SYNPO2: variants seen among roughly 807,000 people sequenced by gnomAD.
SYNPO2 encodes the protein synaptopodin-2.
SYNPO2 carries 56 observed loss-of-function variants against 85.0 expected under a neutral mutation model. The ratio of observed to expected loss-of-function variants is 0.66; its 90% confidence interval spans 0.53 to 0.82. The LOEUF (loss-of-function observed/expected upper bound fraction) is 0.82. Ranked by LOEUF, SYNPO2 falls within the 40% of genes least tolerant of loss-of-function variation. The pLI is 0.00. For synonymous variants in SYNPO2, 602 were observed against 591.1 expected, an observed-to-expected ratio of 1.02 and a Z score of -0.27; for missense variants, 1,575 against 1,534.2, an observed-to-expected ratio of 1.03 and a Z score of -0.44.
At chr4:118,878,949 C>G (rs866000754) in intron 1 of SYNPO2, among the ~76,000 whole-genome samples, 1 of 152,210 alleles carries the variant, frequency 6.6e-6, no homozygotes, top group Non-Finnish European at 1.5e-5. Context: ...TCCGCACTAC[C>G]TCTAAGAGCT....
At chr4:118,885,629 C>T (rs1361929093), upstream of SYNPO2, among the ~76,000 whole-genome samples, 59 of 152,188 alleles carry the variant, frequency 3.9e-4, no homozygotes, top group Non-Finnish European at 8.8e-5. Flanking sequence ...TGCACCACCA[C>T]GCCCAGCTAA....
chr4:118,967,200 C>G (rs1269824034), intron 1 of SYNPO2, among the ~76,000 whole-genome samples: 1 of 152,174 alleles, frequency 6.6e-6, no homozygotes, highest in Non-Finnish European at 1.5e-5. Flanking sequence ...AGCTCCCACT[C>G]TATACTGCCC....
chr4:118,863,855 C>G (rs1235076150), intron 1 of SYNPO2, among the ~76,000 whole-genome samples: 1 of 152,240 alleles, frequency 6.6e-6, no homozygotes, highest in Non-Finnish European at 1.5e-5. Flanking sequence ...AATCCACCCG[C>G]TTCAGCCTCC....
At chr4:118,989,116 ATG>A (rs1736321698) in intron 1 of SYNPO2, among the ~76,000 whole-genome samples, 1 of 152,202 alleles carries the variant, frequency 6.6e-6, no homozygotes, top group Non-Finnish European at 1.5e-5. Context: ...GCATACTTTA[ATG>A]TTTAAACACA....
intron 1 of SYNPO2, among the ~76,000 whole-genome samples, chr4:118,868,151 T>TA (rs11442874): frequency 0.87 from 132,349 of 151,316 alleles, 57,973 homozygotes; most frequent in Middle Eastern, 0.94. Context: ...TTTTACATAT[T>TA]AAAAAAAATT....
intron 4 of SYNPO2, among the ~76,000 whole-genome samples, chr4:119,050,818 T>C (rs1309578432): frequency 2.6e-5 from 4 of 152,222 alleles, no homozygotes; most frequent in Non-Finnish European, 5.9e-5. Context: ...ACAGACTGAA[T>C]GTTCCATATG....
chr4:119,057,191 C>T (rs926437747), intron 4 of SYNPO2, among the ~76,000 whole-genome samples: 9 of 152,180 alleles, frequency 5.9e-5, no homozygotes, highest in Non-Finnish European at 4.4e-5. Context: ...GATCAAGTGG[C>T]AGCCCACCAT....
At chr4:118,948,383 T>G (rs1416987341) in intron 1 of SYNPO2, among the ~76,000 whole-genome samples, 1 of 152,234 alleles carries the variant, frequency 6.6e-6, no homozygotes, top group African/African-American at 2.4e-5. Context: ...CACAAGTTTT[T>G]ATTGTAGTGT....
chr4:119,033,239 CAG>C, intron 4 of SYNPO2: 1 of 985,416 alleles, frequency 1.0e-6, no homozygotes, highest in Non-Finnish European at 1.2e-6. Context: ...AGTGATCTCA[CAG>C]ATTTTTTTTC....
intron 4 of SYNPO2, among the ~76,000 whole-genome samples, chr4:119,053,125 G>C (rs1322908278): frequency 6.6e-6 from 1 of 152,180 alleles, no homozygotes; most frequent in African/African-American, 2.4e-5. Context: ...GGTCGTTTCT[G>C]GCTCAGGGTA....
intron 1 of SYNPO2, among the ~76,000 whole-genome samples, chr4:118,920,443 A>C (rs1194413910): frequency 6.6e-6 from 1 of 152,160 alleles, no homozygotes; most frequent in African/African-American, 2.4e-5. Flanking sequence ...AACAACTTTT[A>C]TCTAAGTGAT....
At chr4:118,954,307 C>G (rs1560905628) in intron 1 of SYNPO2, among the ~76,000 whole-genome samples, 1 of 152,000 alleles carries the variant, frequency 6.6e-6, no homozygotes, top group African/African-American at 2.4e-5. Flanking sequence ...AGTGCTTTCT[C>G]TTTTTTTTCT....
intron 1 of SYNPO2, among the ~76,000 whole-genome samples, chr4:118,873,007 G>GT (rs1222439368): frequency 1.3e-5 from 2 of 151,952 alleles, no homozygotes; most frequent in Non-Finnish European, 2.9e-5. Flanking sequence ...AATTTCACTT[G>GT]TTTTTTTATG....
At chr4:118,852,253 G>A (rs952580157) in intron 1 of SYNPO2, among the ~76,000 whole-genome samples, 7 of 152,150 alleles carry the variant, frequency 4.6e-5, no homozygotes, top group African/African-American at 1.2e-4. Flanking sequence ...AAAAAGGAAC[G>A]TTTATACATT....
At chr4:118,872,073 G>T (rs905022692) in intron 1 of SYNPO2, among the ~76,000 whole-genome samples, 2 of 152,150 alleles carry the variant, frequency 1.3e-5, no homozygotes, top group African/African-American at 2.4e-5. Flanking sequence ...CTGATATAAA[G>T]CTTCACTCAG....
At chr4:118,995,875 TATC>T (rs1736568771) in intron 1 of SYNPO2, among the ~76,000 whole-genome samples, 1 of 150,374 alleles carries the variant, frequency 6.7e-6, no homozygotes, top group Admixed American at 6.6e-5. Flanking sequence ...TCTATCTATC[TATC>T]TATCTATCTA....
chr4:119,002,511 G>A lies in SYNPO2; in HGVS notation c.106-20919G>A, dbSNP rs181298412. 2.1e-3 allele frequency among the ~76,000 whole-genome samples: 325 copies of A among 152,134 alleles called. 3 individuals are homozygous for A. The highest frequency in any genetic ancestry group is 0.015 in the East Asian group (78 of 5,168). On this transcript the variant is annotated intron_variant, in intron 1 of 4. Coordinates refer to ENST00000307142, the MANE Select transcript of SYNPO2 (RefSeq NM_133477.3). ...CCTGACCTTGTGATCCACCGGCCTCGGCCTCCCAAAGTGCTGTGAGCCACT... is the reference window on the plus strand; with the variant it reads ...CCTGACCTTGTGATCCACCGGCCTCAGCCTCCCAAAGTGCTGTGAGCCACT...
chr4:118,942,360 C>T (rs531059246), intron 1 of SYNPO2, among the ~76,000 whole-genome samples: 167 of 152,216 alleles, frequency 1.1e-3, no homozygotes, highest in African/African-American at 3.7e-3. Flanking sequence ...CCCCTGTGCC[C>T]GGCATGGGGT....
chr4:119,005,310 T>C (rs1736994244), intron 1 of SYNPO2, among the ~76,000 whole-genome samples: 1 of 152,246 alleles, frequency 6.6e-6, no homozygotes, highest in Admixed American at 6.5e-5. Flanking sequence ...CCCATGCCTA[T>C]GTCCTGAATG....
Sources: allele counts gnomAD v4.1 joint callset (sites outside exome capture counted in the v4.1 genomes callset), GRCh38; gene constraint gnomAD v4.1.1; transcripts MANE v1.5; gene names NCBI Gene and HGNC (gene_info 2026-07-23, HGNC 2026-07-21).